Variants in CRACR2B observed in about 807,000 individuals in gnomAD.
CRACR2B encodes the protein calcium release activated channel regulator 2B, also known as EF-hand calcium-binding domain-containing protein 4A.
A neutral mutation model predicts 46.0 loss-of-function variants in CRACR2B; 50 were observed. The ratio of observed to expected loss-of-function variants is 1.09; its 90% CI spans 0.87 to 1.38. CRACR2B has a LOEUF of 1.38. Ranked by LOEUF, CRACR2B falls within the 40% of genes most tolerant of loss-of-function variation. The probability of loss-of-function intolerance (pLI) is 0.00; values close to 1 mark genes in which losing one functional copy is unlikely to be tolerated. For synonymous variants in CRACR2B, 277 were observed against 239.6 expected (o/e 1.16, Z -1.44); for missense variants, 667 against 535.0 (o/e 1.25, Z -2.43).
Position 830,297 on chromosome 11 carries a change from C to CG in CRACR2B, c.655dup (p.Glu219GlyfsTer133). On this transcript the variant is annotated frameshift_variant, in exon 5 of 9. Coordinates refer to ENST00000525077, the MANE Select transcript of CRACR2B (RefSeq NM_001286606.2). LOFTEE classifies it high-confidence loss of function. ...GAGGTGCGCGCTCTGTACGAGGAGA[C>CG]GGAGCAGCTTCGGGAGCAGAGCCGG... is the stretch of plus-strand genomic sequence containing the variant. The CG allele has an allele frequency of 6.5e-7, 1 of 1,532,778 alleles. No individual in the cohort carries two copies. The highest frequency in any genetic ancestry group is 8.8e-7 in the Non-Finnish European group (1 of 1,141,760). 94.9% of individuals were successfully genotyped at this position (1,532,778 alleles called of 1,614,324 possible).
intron 7 of CRACR2B, 38 bp downstream of exon 7, chr11:831,070 T>C: frequency 6.5e-7 from 1 of 1,537,732 alleles, no homozygotes; most frequent in Non-Finnish European, 8.7e-7. Flanking sequence ...CCGGTGCGTG[T>C]CCCGGGGGCG....
chr11:827,437 C>A (rs117715240), upstream of CRACR2B: 4 of 612,324 alleles, frequency 6.5e-6, no homozygotes, highest in Non-Finnish European at 8.2e-6. Context: ...CCGGTTACCC[C>A]CTCGGGGCGC....
Position 828,442 on chromosome 11 carries a change from C to A in CRACR2B, c.-166C>A. ...GCCTGCAGCATTTTCCACCCCCAGC[C>A]CCCTGGTCCCACCTTGCCTTCCGCC... On this transcript the variant is annotated 5_prime_UTR_variant, in exon 1 of 9. Transcript: ENST00000525077. The A allele has an allele frequency of 1.3e-6, 1 of 769,668 alleles. No homozygotes were observed. The highest frequency in any genetic ancestry group is 2.0e-6 in the Non-Finnish European group (1 of 504,602). 47.7% of individuals were successfully genotyped at this position (769,668 alleles called of 1,614,324 possible).
upstream of CRACR2B, among the ~76,000 whole-genome samples, chr11:826,964 G>A (rs1845943746): frequency 1.3e-5 from 2 of 152,312 alleles, no homozygotes; most frequent in East Asian, 3.9e-4. Context: ...GGCTCCCCCC[G>A]GACAGGAGGG....
upstream of CRACR2B, among the ~76,000 whole-genome samples, chr11:826,963 C>G (rs530851498): frequency 3.9e-5 from 6 of 152,378 alleles, no homozygotes; most frequent in South Asian, 8.3e-4. Flanking sequence ...GGGCTCCCCC[C>G]GGACAGGAGG....
chr11:829,179 C>T (rs757920414), intron 2 of CRACR2B, 181 bp from the exon 3 acceptor site: 2 of 1,360,904 alleles, frequency 1.5e-6, no homozygotes, highest in Non-Finnish European at 2.0e-6. Context: ...CTGTGCTAAG[C>T]TCCGGTAGGG....
intron 3 of CRACR2B, 97 bp from the exon 4 acceptor site, chr11:829,889 C>T: frequency 6.8e-7 from 1 of 1,467,148 alleles, no homozygotes. Flanking sequence ...CTGTCCTGCC[C>T]AGGGGCGAAG....
rs868197221 is a variant in CRACR2B at position 830,071 on chromosome 11, G to A, written c.544G>A (p.Ala182Thr). Residue 182 changes from alanine to threonine, a missense_variant, in exon 4 of 9, where the codon GCG becomes ACG. Ala to Thr is a moderately conservative substitution (Grantham distance 58, BLOSUM62 0). Transcript: ENST00000525077. ...CTCTTTCGAGGATGTTCTGATACGC[G>A]CGTCGGCCTGCCTGGAGGAGGCGGC... The part of the protein sequence containing the change: ...LGSFEDVLIR[A>T]SACLEEAARE... 7 of 1,551,036 alleles carry A rather than the reference G, an allele frequency of 4.5e-6. No homozygotes were observed. Among genetic ancestry groups the A allele is most frequent in the African/African-American group, 1.4e-5 (1 of 73,626 alleles).
chr11:828,593 AG>A lies in CRACR2B; in HGVS notation c.-13del, dbSNP rs770556498. The A allele has an allele frequency of 5.7e-6, 9 of 1,574,174 alleles. No homozygotes were observed. Among genetic ancestry groups the A allele is most frequent in the Non-Finnish European group, 6.0e-6 (7 of 1,168,072 alleles). ...TTCACAGCACCTGAAGGCCAGGCTGAGGCCCCCTGCTCTCATGGCCAGCCCT... is the reference window on the plus strand; with the variant it reads ...TTCACAGCACCTGAAGGCCAGGCTGAGCCCCCTGCTCTCATGGCCAGCCCT... On this transcript the variant is annotated 5_prime_UTR_variant, in exon 1 of 9. Transcript: ENST00000525077.
chr11:830,760 TC>T, intron 6 of CRACR2B, 47 bp downstream of exon 6: 1 of 1,492,188 alleles, frequency 6.7e-7, no homozygotes, highest in Non-Finnish European at 8.9e-7. Flanking sequence ...CCGTGCACTC[TC>T]CCCCTGTGCC....
At chr11:827,503 G>T, upstream of CRACR2B, 2 of 981,492 alleles carry the variant, frequency 2.0e-6, no homozygotes, top group Non-Finnish European at 2.4e-6. Flanking sequence ...AGCACAGGAG[G>T]CTGGCCGCCC....
Position 828,937 on chromosome 11 carries a change from C to G in CRACR2B, c.251C>G (p.Thr84Ser). The G allele has an allele frequency of 6.2e-7, 1 of 1,606,152 alleles. No individual in the cohort carries two copies. Among genetic ancestry groups the G allele is most frequent in the Non-Finnish European group, 8.5e-7 (1 of 1,179,932 alleles). Residue 84 changes from threonine (T) to serine (S), a missense_variant, in exon 2 of 9, where the codon ACC (threonine) becomes AGC (serine). Transcript: ENST00000525077. Reference sequence around the variant, plus strand: ...GACCGGGCTCACACTGGCTTCCTCACCGCCAGGGAGTTCTGCCTGGGCCTG... The same window carrying G: ...GACCGGGCTCACACTGGCTTCCTCAGCGCCAGGGAGTTCTGCCTGGGCCTG... Reference protein sequence around the residue: ...SLDRAHTGFLTAREFCLGLGM... With the variant: ...SLDRAHTGFLSAREFCLGLGM...
In CRACR2B at chr11:829,274, G is replaced by A. The variant is rs568650044; in HGVS notation, c.278-86G>A. On this transcript the variant is annotated intron_variant, in intron 2 of 8. Transcript: ENST00000525077. ...AACAGGAAACTGGGCCCTGAGAGAG[G>A]GCAGGATACTCGTTGGGAGGGTGAA... The A allele has an allele frequency of 1.7e-5, 26 of 1,508,674 alleles. No individual in the cohort carries two copies. In the African/African-American group the frequency reaches 3.5e-4, roughly 20 times the overall value. The allele number at this position is 1,508,674 out of a possible 1,614,324, so 93.5% of individuals were successfully genotyped here. A position where few individuals can be genotyped will look rare whatever the true frequency, so the allele number is the denominator to read the frequency against.
At position 831,649 on chromosome 11, in the gene CRACR2B, CTGCTGT is replaced by C; in HGVS notation, c.1146_1151del (p.Cys382_Cys383del). ...GCCTGCCTGGGCCCACCTGCTGCTG[CTGCTGT>C]TGCTGGGCTCGGCCCCCCAGACGCG... On this transcript the variant is annotated inframe_deletion, in exon 9 of 9. Coordinates refer to ENST00000525077, the MANE Select transcript of CRACR2B (RefSeq NM_001286606.2). The C allele has an allele frequency of 6.5e-7, 1 of 1,549,080 alleles. No individual in the cohort carries two copies. The highest frequency in any genetic ancestry group is 8.7e-7 in the Non-Finnish European group (1 of 1,153,760).
At position 829,301 on chromosome 11, in the gene CRACR2B, G is replaced by C. The variant is rs1032721405; in HGVS notation, c.278-59G>C. The C allele has an allele frequency of 6.5e-6, 10 of 1,539,056 alleles. 1 individual carries two copies. The South Asian group carries it at 9.8e-5, about 15-fold the overall frequency. The stretch of plus-strand genomic sequence containing the variant: ...CAGGATACTCGTTGGGAGGGTGAAC[G>C]GGGACACAGCCACGGTGGCGACCCA... On this transcript the variant is annotated intron_variant, in intron 2 of 8. Transcript: ENST00000525077.
In CRACR2B at chr11:830,865, G is replaced by T. The variant is rs1323138746; in HGVS notation, c.787-1G>T. The stretch of plus-strand genomic sequence containing the variant: ...CCGGTCTCCATCCTTCCACCCTCCA[G>T]TTAGAGCAGCAGCTGCACGCCCAGG... On this transcript the variant is annotated splice_acceptor_variant, in intron 6 of 8. Transcript: ENST00000525077. LOFTEE classifies it high-confidence loss of function. The T allele has an allele frequency of 6.6e-7, 1 of 1,522,634 alleles. No individual in the cohort carries two copies. The highest frequency in any genetic ancestry group is 8.8e-7 in the Non-Finnish European group (1 of 1,139,110). 94.3% of individuals were successfully genotyped at this position (1,522,634 alleles called of 1,614,324 possible).
chr11:831,165 G>T (rs1176521760), intron 7 of CRACR2B, 59 bp from the exon 8 acceptor site: 4 of 1,609,448 alleles, frequency 2.5e-6, no homozygotes, highest in Non-Finnish European at 8.5e-7. Context: ...ATCTTCTAGG[G>T]GGTCCGGGGG....
In CRACR2B at chr11:830,024, G is replaced by A. The variant is rs749555365; in HGVS notation, c.497G>A (p.Arg166His). 4 of 1,570,450 alleles carry A rather than the reference G, an allele frequency of 2.5e-6. No homozygotes were observed. The highest frequency in any genetic ancestry group is 3.4e-6 in the Non-Finnish European group (4 of 1,164,058). The stretch of plus-strand genomic sequence containing the variant: ...AGGACGCTCTGGGCCAGGCTGCAGC[G>A]CGAGCGCCCCGAGCTGCTGGGCTCT... ...AVRTLWARLQ[R>H]ERPELLGSFE... is the part of the protein sequence containing the mutation. The change falls in exon 4 of 9, where the codon CGC (arginine) becomes CAC (histidine). Residue 166 changes from arginine to histidine, a missense_variant. Physicochemically the swap from Arg to His is conservative, Grantham distance 29. Transcript: ENST00000525077.
chr11:830,583 C>A, intron 5 of CRACR2B, 38 bp from the exon 6 acceptor site: 1 of 1,547,898 alleles, frequency 6.5e-7, no homozygotes, highest in Non-Finnish European at 8.7e-7. Flanking sequence ...CATGGCCGAG[C>A]GGCCGGCGGA....
Sources: allele counts gnomAD v4.1 joint callset (sites outside exome capture counted in the v4.1 genomes callset), GRCh38; gene constraint gnomAD v4.1.1; transcripts MANE v1.5; gene names NCBI Gene and HGNC (gene_info 2026-07-23, HGNC 2026-07-21).